Variants in CFAP299 observed in about 807,000 individuals in gnomAD.
CFAP299 encodes cilia and flagella associated protein 299.
CFAP299 carries 21 observed loss-of-function variants against 27.0 expected under a neutral mutation model. The ratio of observed to expected loss-of-function variants is 0.78; its 90% CI spans 0.55 to 1.12. The LOEUF (loss-of-function observed/expected upper bound fraction) is 1.12, where lower values mean the gene tolerates loss of function less well. CFAP299 is among the 50% of genes most tolerant of loss of function. The probability of loss-of-function intolerance (pLI) is 0.00; values close to 1 mark genes in which losing one functional copy is unlikely to be tolerated. For synonymous variants in CFAP299, 104 were observed against 98.1 expected (o/e 1.06, Z -0.36); for missense variants, 310 against 276.6 (o/e 1.12, Z -0.86).
chr4:80,711,087 C>G (rs1722139903), intron 3 of CFAP299, among the ~76,000 whole-genome samples: 1 of 152,176 alleles, frequency 6.6e-6, no homozygotes, highest in South Asian at 2.1e-4. Context: ...GCCCTGCTGA[C>G]ACTACACAGG....
chr4:80,361,189 T>C (rs890711642), intron 1 of CFAP299, among the ~76,000 whole-genome samples: 2 of 152,214 alleles, frequency 1.3e-5, no homozygotes, highest in Non-Finnish European at 2.9e-5. Context: ...TCTTGCAAAA[T>C]AGTTTAGCAT....
At chr4:80,667,136 T>C (rs529275787) in intron 3 of CFAP299, among the ~76,000 whole-genome samples, 110 of 152,330 alleles carry the variant, frequency 7.2e-4, no homozygotes, top group African/African-American at 2.5e-3. Flanking sequence ...TCAGCCATTC[T>C]TTATCCCCAT....
At chr4:80,590,740 A>T (rs1736692210) in intron 3 of CFAP299, among the ~76,000 whole-genome samples, 1 of 152,198 alleles carries the variant, frequency 6.6e-6, no homozygotes. Flanking sequence ...CATTTTTATG[A>T]TCATACTCAT....
intron 1 of CFAP299, among the ~76,000 whole-genome samples, chr4:80,356,668 T>C (rs571790051): frequency 4.6e-5 from 7 of 152,244 alleles, no homozygotes; most frequent in African/African-American, 1.4e-4. Flanking sequence ...ATGCTTGTGA[T>C]TTCTGTACAT....
Position 80,961,098 on chromosome 4 carries a change from G to GA in CFAP299, c.607-2409dup, listed in dbSNP as rs769804321. 7.9e-3 allele frequency among the ~76,000 whole-genome samples: 1,122 copies of GA among 142,662 alleles called. 9 individuals are homozygous for GA. Among genetic ancestry groups the GA allele is most frequent in the African/African-American group, 0.018 (688 of 39,090 alleles). The allele number at this position is 142,662 out of a possible 152,430, so 93.6% of individuals were successfully genotyped here. Reference sequence around the variant, plus strand: ...CTATATTCAAGCTGACTTGTTAAAAGAAAAAAAAAACACAATTACTGTTGA... The same window carrying GA: ...CTATATTCAAGCTGACTTGTTAAAAGAAAAAAAAAAACACAATTACTGTTGA... On this transcript the variant is annotated intron_variant, in intron 5 of 5. Coordinates refer to ENST00000358105, the MANE Select transcript of CFAP299 (RefSeq NM_152770.3).
At chr4:80,508,713 C>A (rs1255918307) in intron 2 of CFAP299, among the ~76,000 whole-genome samples, 1 of 152,076 alleles carries the variant, frequency 6.6e-6, no homozygotes, top group Non-Finnish European at 1.5e-5. Context: ...AGTGCACCAC[C>A]ACTCCTGGCT....
chr4:80,658,754 G>T (rs947515107), intron 3 of CFAP299, among the ~76,000 whole-genome samples: 3 of 152,094 alleles, frequency 2.0e-5, no homozygotes, highest in Admixed American at 2.0e-4. Context: ...AGGGAAGTGT[G>T]AAAGACCTTG....
intron 1 of CFAP299, among the ~76,000 whole-genome samples, chr4:80,341,282 G>A (rs911467340): frequency 6.6e-6 from 1 of 152,210 alleles, no homozygotes; most frequent in African/African-American, 2.4e-5. Flanking sequence ...GAGAGTCCAG[G>A]CAGTGTGGAT....
intron 2 of CFAP299, among the ~76,000 whole-genome samples, chr4:80,576,725 A>AT (rs1560633904): frequency 6.6e-6 from 1 of 152,114 alleles, no homozygotes; most frequent in Non-Finnish European, 1.5e-5. Flanking sequence ...CTCTTCATTA[A>AT]TTTTTTCCAA....
chr4:80,838,096 T>G (rs1007400176), intron 3 of CFAP299, among the ~76,000 whole-genome samples: 6 of 152,126 alleles, frequency 3.9e-5, no homozygotes, highest in Non-Finnish European at 8.8e-5. Context: ...CTTCGACCAC[T>G]TTTTGATGGG....
intron 3 of CFAP299, among the ~76,000 whole-genome samples, chr4:80,799,842 TTATATAA>T (rs1255633698): frequency 2.7e-5 from 1 of 37,086 alleles, no homozygotes; most frequent in Non-Finnish European, 4.3e-5. Flanking sequence ...ATATATTATA[TTATATAA>T]TATATAAATA....
At chr4:80,355,342 T>G (rs977300242) in intron 1 of CFAP299, among the ~76,000 whole-genome samples, 1 of 148,968 alleles carries the variant, frequency 6.7e-6, no homozygotes, top group Non-Finnish European at 1.5e-5. Flanking sequence ...TGAAAAGTGT[T>G]CATGTCCTTT....
At chr4:80,878,913 T>C (rs1160509219) in intron 4 of CFAP299, among the ~76,000 whole-genome samples, 1 of 152,126 alleles carries the variant, frequency 6.6e-6, no homozygotes, top group Admixed American at 6.5e-5. Context: ...ATGTCACAAA[T>C]TTTCAAACCC....
At chr4:80,719,187 T>A (rs1017290802) in intron 3 of CFAP299, among the ~76,000 whole-genome samples, 25 of 152,152 alleles carry the variant, frequency 1.6e-4, no homozygotes, top group Non-Finnish European at 2.9e-5. Context: ...TACTGTCAGA[T>A]ACTAAGTTTA....
At chr4:80,527,702 CT>C (rs1162513619) in intron 2 of CFAP299, among the ~76,000 whole-genome samples, 1 of 152,102 alleles carries the variant, frequency 6.6e-6, no homozygotes, top group Non-Finnish European at 1.5e-5. Context: ...CTATTTATGT[CT>C]TTCTCTTTGC....
At chr4:80,723,122 G>T (rs969791916) in intron 3 of CFAP299, among the ~76,000 whole-genome samples, 1 of 152,126 alleles carries the variant, frequency 6.6e-6, no homozygotes, top group African/African-American at 2.4e-5. Flanking sequence ...GGATGTGGAA[G>T]ACCTGGAACT....
chr4:80,463,819 A>G (rs1262177815), intron 2 of CFAP299, among the ~76,000 whole-genome samples: 1 of 152,146 alleles, frequency 6.6e-6, no homozygotes, highest in Non-Finnish European at 1.5e-5. Context: ...ACATTATACT[A>G]GACAGAGGGG....
chr4:80,798,531 C>T (rs113306769), intron 3 of CFAP299, among the ~76,000 whole-genome samples: 1,623 of 152,226 alleles, frequency 0.011, 29 homozygotes, highest in African/African-American at 0.036. Flanking sequence ...CCTGGTGAAG[C>T]TGTGCATGCA....
chr4:80,811,880 A>G (rs1039206038), intron 3 of CFAP299, among the ~76,000 whole-genome samples: 1 of 152,102 alleles, frequency 6.6e-6, no homozygotes, highest in Non-Finnish European at 1.5e-5. Context: ...CAAGGAACTA[A>G]ACAAGTCTGG....
Sources: gnomAD v4.1 joint callset for allele counts (sites outside exome capture counted in the v4.1 genomes callset) on GRCh38, gnomAD v4.1.1 for gene constraint, MANE v1.5 for transcripts, NCBI Gene and HGNC (gene_info 2026-07-23, HGNC 2026-07-21) for gene names.